Variants in ZNF503 observed in about 807,000 individuals in gnomAD.
The protein encoded by ZNF503 is zinc finger protein 503.
In ZNF503, 15 loss-of-function variants were observed where a neutral mutation model predicts 34.4. That is an observed-to-expected ratio of 0.44 (90% CI 0.29 to 0.67). ZNF503 has a LOEUF of 0.67. Among genes scored for constraint, ZNF503 ranks in the 30% least tolerant of loss-of-function variants. The pLI is 0.13. For synonymous variants in ZNF503, 580 were observed against 456.8 expected, an observed-to-expected ratio of 1.27 and a Z score of -3.44; for missense variants, 1,007 against 926.8, an observed-to-expected ratio of 1.09 and a Z score of -1.12.
At chr10:75,392,606 T>A in the ZNF503 span, among the ~76,000 whole-genome samples, 1 of 152,068 alleles carries the variant, frequency 6.6e-6, no homozygotes, top group East Asian at 1.9e-4. Context: ...GGCAGAGGAT[T>A]TGAACTCTGA....
the ZNF503 span, among the ~76,000 whole-genome samples, chr10:75,383,012 G>A: frequency 6.6e-6 from 1 of 152,104 alleles, no homozygotes; most frequent in Non-Finnish European, 1.5e-5. Context: ...ACTGATATCT[G>A]CCTTTCTTCC....
chr10:75,366,682 C>T, the ZNF503 span, among the ~76,000 whole-genome samples: 4 of 152,228 alleles, frequency 2.6e-5, no homozygotes, highest in South Asian at 2.1e-4. Context: ...GTCTGTGCTC[C>T]GAGCCTGATT....
chr10:75,345,490 C>T, the ZNF503 span, among the ~76,000 whole-genome samples: 1 of 151,710 alleles, frequency 6.6e-6, no homozygotes, highest in Non-Finnish European at 1.5e-5. Flanking sequence ...CAAAAATTAG[C>T]CAGGCGTTGT....
At chr10:75,381,334 G>A in the ZNF503 span, among the ~76,000 whole-genome samples, 12 of 152,204 alleles carry the variant, frequency 7.9e-5, no homozygotes, top group East Asian at 3.9e-4. Flanking sequence ...AGCAATCCTC[G>A]TACTCAACTT....
chr10:75,295,780 G>A, the ZNF503 span: 11 of 152,126 alleles, frequency 7.2e-5, no homozygotes, highest in Admixed American at 6.5e-4. This position sits in a 1 kb window ranked among gnomAD's most constrained non-coding sequence, Gnocchi z 4.0. Flanking sequence ...ACCGCTAAGG[G>A]TCCTTCTGCA....
chr10:75,297,231 A>G, the ZNF503 span, among the ~76,000 whole-genome samples: 1 of 152,056 alleles, frequency 6.6e-6, no homozygotes, highest in African/African-American at 2.4e-5. Context: ...CATTTTCCTG[A>G]CATTCCCAGG....
Position 75,400,354 on chromosome 10 carries a change from C to G in ZNF503, c.336G>C (p.Pro112=), listed in dbSNP as rs1843778359. The G allele has an allele frequency of 8.7e-6, 14 of 1,609,276 alleles. No individual in the cohort carries two copies. Among genetic ancestry groups the G allele is most frequent in the Non-Finnish European group, 1.2e-5 (14 of 1,177,274 alleles). The part of the protein sequence containing the change: ...SPIELDAKKS[P]LALLAQTCSQ... ...AACATGTTTGCGCCAACAGCGCCAG[C>G]GGGCTCTTCTTGGCATCGAGCTGCG... Residue 112 remains proline, a synonymous_variant, in exon 2 of 2, where the codon CCG becomes CCC. Coordinates refer to ENST00000372524, the MANE Select transcript of ZNF503 (RefSeq NM_032772.6).
Position 75,398,391 on chromosome 10 carries a change from T to C in ZNF503, c.*358A>G, listed in dbSNP as rs1843728650. 2 of 184,628 alleles carry C rather than the reference T, an allele frequency of 1.1e-5. No homozygotes were observed. Among genetic ancestry groups the C allele is most frequent in the Non-Finnish European group, 2.2e-5 (2 of 90,184 alleles). 11.4% of individuals were successfully genotyped at this position (184,628 alleles called of 1,614,324 possible). ...CAGAGCTCAAACTAAATAATGCACT[T>C]TTGAACCACCGGTCCGCTTGGAGCT... On this transcript the variant is annotated 3_prime_UTR_variant, in exon 2 of 2. Transcript: ENST00000372524.
chr10:75,353,383 C>T, the ZNF503 span, among the ~76,000 whole-genome samples: 9 of 152,198 alleles, frequency 5.9e-5, no homozygotes, highest in Non-Finnish European at 1.0e-4. Context: ...CCTGCGGAGA[C>T]CTTTGACCCT....
At chr10:75,380,783 C>T in the ZNF503 span, among the ~76,000 whole-genome samples, 71 of 152,206 alleles carry the variant, frequency 4.7e-4, no homozygotes, top group African/African-American at 1.6e-3. Flanking sequence ...AAAAATGTGG[C>T]CCCTGAAAAT....
rs753022494 is a variant in ZNF503 at position 75,399,907 on chromosome 10, G to A, written c.783C>T (p.Gly261=). 2.5e-6 allele frequency: 4 copies of A among 1,604,220 alleles called. 1 individual carries two copies. The highest frequency in any genetic ancestry group is 2.2e-5 in the South Asian group (2 of 90,206). Residue 261 remains glycine (G), a synonymous_variant, in exon 2 of 2, where the codon GGC becomes GGT. Transcript: ENST00000372524. ...GKDDKKDTDV[G]GGGKGTGGAS... is the part of the protein sequence containing the mutation. ...CGCCCCCGGTGCCCTTGCCACCGCC[G>A]CCCACGTCGGTGTCTTTCTTGTCGT...
rs75809956 is a variant in ZNF503, at chr10:75,400,389, G to A, written c.316-15C>T. The A allele has an allele frequency of 1.1e-5, 17 of 1,588,180 alleles. No homozygotes were observed. The highest frequency in any genetic ancestry group is 1.5e-5 in the Non-Finnish European group (17 of 1,171,206). On this transcript the variant is annotated splice_polypyrimidine_tract_variant and intron_variant, in intron 1 of 1. Transcript: ENST00000372524. Reference sequence around the variant, plus strand: ...TTGGCATCGAGCTGCGGGGTCAGACGATGGGGGGGGAGCGTCACACAGAGA... The same window carrying A: ...TTGGCATCGAGCTGCGGGGTCAGACAATGGGGGGGGAGCGTCACACAGAGA...
chr10:75,297,111 G>C, the ZNF503 span, among the ~76,000 whole-genome samples: 1 of 152,112 alleles, frequency 6.6e-6, no homozygotes, highest in Non-Finnish European at 1.5e-5. Context: ...TTTCAGAACA[G>C]TGTGATTTTA....
the ZNF503 span, among the ~76,000 whole-genome samples, chr10:75,341,961 C>T: frequency 1.3e-4 from 20 of 152,266 alleles, no homozygotes; most frequent in East Asian, 3.9e-3. Context: ...TAACATTTTC[C>T]CTTGGCTTAT....
At chr10:75,307,993 T>A in the ZNF503 span, among the ~76,000 whole-genome samples, 1 of 152,124 alleles carries the variant, frequency 6.6e-6, no homozygotes, top group Non-Finnish European at 1.5e-5. Context: ...GGCAGGAGGA[T>A]CACTTGAGCC....
the ZNF503 span, among the ~76,000 whole-genome samples, chr10:75,289,125 G>C: frequency 3.3e-5 from 5 of 152,168 alleles, no homozygotes; most frequent in South Asian, 6.2e-4. Flanking sequence ...TTGCTACTTG[G>C]GGGGCCAGAG....
the ZNF503 span, among the ~76,000 whole-genome samples, chr10:75,374,145 C>G: frequency 6.6e-6 from 1 of 152,132 alleles, no homozygotes; most frequent in African/African-American, 2.4e-5. Flanking sequence ...GAAACCCAGT[C>G]TACTAAAAAT....
At chr10:75,397,754 G>C (rs569122029), downstream of ZNF503, 2 of 152,598 alleles carry the variant, frequency 1.3e-5, no homozygotes, top group African/African-American at 4.8e-5. Flanking sequence ...GGAAGAAGGA[G>C]TAGCAGTGAG....
chr10:75,299,706 A>T, the ZNF503 span, among the ~76,000 whole-genome samples: 1 of 152,178 alleles, frequency 6.6e-6, no homozygotes, highest in Non-Finnish European at 1.5e-5. Context: ...AGAAATTTTA[A>T]AGCTGGGCAT....
Sources: allele counts gnomAD v4.1 joint callset (sites outside exome capture counted in the v4.1 genomes callset), GRCh38; gene constraint gnomAD v4.1.1; non-coding constraint Gnocchi (gnomAD v3.1); transcripts MANE v1.5; gene names NCBI Gene and HGNC (gene_info 2026-07-23, HGNC 2026-07-21).